RGS6: variants seen among roughly 807,000 people sequenced by gnomAD.
RGS6 encodes the protein regulator of G protein signaling 6.
Under a neutral mutation model 78.5 loss-of-function variants are expected in RGS6, and 30 were observed. That is an observed-to-expected ratio of 0.38 (90% CI 0.29 to 0.52). The LOEUF is 0.52. Ranked by LOEUF, RGS6 falls within the 20% of genes least tolerant of loss-of-function variation. The probability of loss-of-function intolerance (pLI) is 0.85; values close to 1 mark genes in which losing one functional copy is unlikely to be tolerated. For missense variants in RGS6, 495 were observed against 609.7 expected (o/e 0.81, Z 1.98); for synonymous variants, 206 against 206.0 (o/e 1.00, Z 0.00).
chr14:72,456,104 C>T (rs191578812), intron 4 of RGS6, among the ~76,000 whole-genome samples: 4 of 152,198 alleles, frequency 2.6e-5, no homozygotes, highest in African/African-American at 9.6e-5. Flanking sequence ...CTCTGATGCC[C>T]TTGGGAAGAC....
chr14:72,078,229 T>C (rs565671900), intron 2 of RGS6, among the ~76,000 whole-genome samples: 36 of 152,246 alleles, frequency 2.4e-4, no homozygotes, highest in African/African-American at 8.4e-4. Flanking sequence ...CCCTTGCTCT[T>C]GCACCGGCCA....
chr14:72,429,173 G>A (rs28735555), intron 3 of RGS6, among the ~76,000 whole-genome samples: 1,577 of 152,300 alleles, frequency 0.01, 31 homozygotes, highest in African/African-American at 0.037. Flanking sequence ...CTGCACTCAA[G>A]CCTGGGTGGC....
chr14:72,298,097 A>G (rs2065238724), intron 2 of RGS6, among the ~76,000 whole-genome samples: 1 of 152,142 alleles, frequency 6.6e-6, no homozygotes, highest in Admixed American at 6.5e-5. Flanking sequence ...TCGGTCAAGA[A>G]CTACATTATG....
At chr14:72,486,044 C>T (rs1030439628) in intron 12 of RGS6, among the ~76,000 whole-genome samples, 6 of 152,140 alleles carry the variant, frequency 3.9e-5, no homozygotes, top group African/African-American at 1.4e-4. Flanking sequence ...GTGTTTTCCC[C>T]CATGCTATGC....
intron 2 of RGS6, among the ~76,000 whole-genome samples, chr14:72,116,963 C>CAAAA (rs56397216): frequency 1.0e-4 from 8 of 78,328 alleles, no homozygotes; most frequent in Non-Finnish European, 1.6e-4. Context: ...GACTCCATCT[C>CAAAA]AAAAAAAAAA....
intron 2 of RGS6, among the ~76,000 whole-genome samples, chr14:72,013,883 G>T (rs41488847): frequency 6.6e-6 from 1 of 152,058 alleles, no homozygotes; most frequent in African/African-American, 2.4e-5. Context: ...CCCTTACTCC[G>T]TGCTGGTCGT....
chr14:72,486,715 A>G (rs1041768385), intron 12 of RGS6, among the ~76,000 whole-genome samples: 1 of 152,168 alleles, frequency 6.6e-6, no homozygotes, highest in Non-Finnish European at 1.5e-5. Context: ...TTAAGCTTAG[A>G]TCTTATCCTA....
At chr14:72,050,816 G>A (rs75588857) in intron 2 of RGS6, among the ~76,000 whole-genome samples, 8,525 of 152,194 alleles carry the variant, frequency 0.056, 239 homozygotes, top group Non-Finnish European at 0.06. Flanking sequence ...CTGACTTTGC[G>A]CATATGCAGA....
intron 2 of RGS6, among the ~76,000 whole-genome samples, chr14:72,182,608 A>G (rs2097189136): frequency 1.3e-5 from 2 of 152,200 alleles, no homozygotes; most frequent in South Asian, 4.1e-4. Context: ...AACTGCTGAC[A>G]GTAACATCTG....
At chr14:71,881,302 A>G in the RGS6 span, among the ~76,000 whole-genome samples, 1 of 152,198 alleles carries the variant, frequency 6.6e-6, no homozygotes, top group African/African-American at 2.4e-5. Flanking sequence ...TGCTGAAATG[A>G]ATTAAGACTT....
intron 2 of RGS6, among the ~76,000 whole-genome samples, chr14:72,241,758 GAAATAT>G (rs1298110503): frequency 6.6e-6 from 1 of 152,094 alleles, no homozygotes; most frequent in African/African-American, 2.4e-5. Flanking sequence ...TTAATGCCTA[GAAATAT>G]AAATTTTTTG....
intron 2 of RGS6, among the ~76,000 whole-genome samples, chr14:72,088,736 C>G (rs140414611): frequency 1.3e-4 from 20 of 152,206 alleles, no homozygotes; most frequent in African/African-American, 4.8e-4. Context: ...ACTTTTTATC[C>G]TGCAGTAGGG....
chr14:72,316,197 T>A (rs1208126965), intron 2 of RGS6, among the ~76,000 whole-genome samples: 1 of 152,212 alleles, frequency 6.6e-6, no homozygotes, highest in Non-Finnish European at 1.5e-5. Flanking sequence ...GTAAAAGAAG[T>A]CAAGTTGCTT....
At chr14:72,395,720 C>G (rs895180359) in intron 3 of RGS6, among the ~76,000 whole-genome samples, 1 of 150,442 alleles carries the variant, frequency 6.6e-6, no homozygotes, top group Non-Finnish European at 1.5e-5. Context: ...GTGTGATGTT[C>G]CCCGTCCTGT....
intron 12 of RGS6, among the ~76,000 whole-genome samples, chr14:72,482,753 A>G (rs912226938): frequency 6.6e-6 from 1 of 152,238 alleles, no homozygotes; most frequent in African/African-American, 2.4e-5. Flanking sequence ...ACTCTTGCAG[A>G]TTAGAACTGG....
At chr14:72,367,166 A>T (rs2082598442) in intron 3 of RGS6, among the ~76,000 whole-genome samples, 1 of 151,824 alleles carries the variant, frequency 6.6e-6, no homozygotes. Flanking sequence ...AAAATTATAG[A>T]CTCTTGGATT....
intron 2 of RGS6, among the ~76,000 whole-genome samples, chr14:72,127,164 T>A (rs1019246796): frequency 6.6e-6 from 1 of 152,188 alleles, no homozygotes; most frequent in Non-Finnish European, 1.5e-5. Context: ...GAGACGAGAT[T>A]ATGATTAACA....
chr14:72,397,038 TG>T (rs1167138306), intron 3 of RGS6, among the ~76,000 whole-genome samples: 3 of 152,354 alleles, frequency 2.0e-5, no homozygotes, highest in South Asian at 4.1e-4. Flanking sequence ...GCTCTTTTTT[TG>T]GTTCCATATG....
intron 3 of RGS6, among the ~76,000 whole-genome samples, chr14:72,392,187 A>AATAT (rs59588686): frequency 0.011 from 1,570 of 149,352 alleles, 41 homozygotes; most frequent in East Asian, 0.05. Flanking sequence ...TACATACACA[A>AATAT]ATATATATAT....
Sources: allele counts gnomAD v4.1 joint callset (sites outside exome capture counted in the v4.1 genomes callset), GRCh38; gene constraint gnomAD v4.1.1; transcripts MANE v1.5; gene names NCBI Gene and HGNC (gene_info 2026-07-23, HGNC 2026-07-21).